NRXN3: variants seen among roughly 807,000 people sequenced by gnomAD.
The protein encoded by NRXN3 is neurexin III.
NRXN3 carries 32 observed loss-of-function variants against 137.6 expected under a neutral mutation model. The ratio of observed to expected loss-of-function variants is 0.23; its 90% CI spans 0.18 to 0.31. NRXN3 has a LOEUF of 0.31. NRXN3 is among the 10% of genes least tolerant of loss of function. The pLI is 1.00. For synonymous variants in NRXN3, 798 were observed against 784.5 expected (o/e 1.02, Z -0.29); for missense variants, 1,574 against 2,062.5 (o/e 0.76, Z 4.59).
chr14:78,506,023 T>G (rs1204428323), intron 4 of NRXN3, among the ~76,000 whole-genome samples: 1 of 152,188 alleles, frequency 6.6e-6, no homozygotes, highest in Non-Finnish European at 1.5e-5. Flanking sequence ...CAAGAAACTT[T>G]GAAGTGCTCA....
chr14:79,454,415 C>T (rs2096229361), intron 15 of NRXN3, among the ~76,000 whole-genome samples: 1 of 152,016 alleles, frequency 6.6e-6, no homozygotes, highest in Admixed American at 6.6e-5. Context: ...AGGGTTTCTC[C>T]ATGTTGGTCA....
intron 15 of NRXN3, among the ~76,000 whole-genome samples, chr14:79,410,888 A>T (rs2095408410): frequency 6.6e-6 from 1 of 152,102 alleles, no homozygotes; most frequent in South Asian, 2.1e-4. Flanking sequence ...GATTTAACAC[A>T]TTATTTCATT....
At chr14:78,249,549 A>C (rs2068257837) in intron 2 of NRXN3, among the ~76,000 whole-genome samples, 1 of 152,092 alleles carries the variant, frequency 6.6e-6, no homozygotes, top group South Asian at 2.1e-4. Flanking sequence ...CTTTACTTGC[A>C]GTCACTGGCT....
intron 1 of NRXN3, among the ~76,000 whole-genome samples, chr14:78,179,533 G>T (rs753851794): frequency 9.9e-5 from 15 of 152,216 alleles, no homozygotes; most frequent in Admixed American, 6.5e-5. Context: ...GGGGCCCCAA[G>T]CTGGAGTCAG....
intron 4 of NRXN3, among the ~76,000 whole-genome samples, chr14:78,600,459 AG>A (rs1211799966): frequency 8.5e-5 from 13 of 152,198 alleles, no homozygotes; most frequent in Non-Finnish European, 1.3e-4. Flanking sequence ...TACAGATTTG[AG>A]GAGTCATAAA....
chr14:78,301,752 CGTCTGTGAGAT>C (rs571253890), intron 4 of NRXN3, among the ~76,000 whole-genome samples: 232 of 152,248 alleles, frequency 1.5e-3, no homozygotes, highest in African/African-American at 5.4e-3. Flanking sequence ...TTCAGTGACA[CGTCTGTGAGAT>C]GGCTATCGCT....
intron 4 of NRXN3, among the ~76,000 whole-genome samples, chr14:78,354,680 G>A (rs1225222831): frequency 6.6e-6 from 1 of 152,070 alleles, no homozygotes; most frequent in African/African-American, 2.4e-5. Context: ...TCACCTTTTG[G>A]CATCCAGTGT....
chr14:79,540,267 C>CTTATATATATATTTATT (rs1475565359), intron 16 of NRXN3, among the ~76,000 whole-genome samples: 1 of 149,570 alleles, frequency 6.7e-6, no homozygotes, highest in African/African-American at 2.5e-5. Flanking sequence ...GGGTATTATG[C>CTTATATATATATTTATT]ATATAAATAT....
At chr14:78,389,033 G>C (rs2090384261) in intron 4 of NRXN3, among the ~76,000 whole-genome samples, 1 of 147,586 alleles carries the variant, frequency 6.8e-6, no homozygotes, top group African/African-American at 2.5e-5. Context: ...ACTGGATTTA[G>C]TGATATAAAA....
At chr14:79,687,033 TG>T (rs1232068836) in intron 17 of NRXN3, among the ~76,000 whole-genome samples, 1 of 152,202 alleles carries the variant, frequency 6.6e-6, no homozygotes, top group African/African-American at 2.4e-5. Flanking sequence ...ATCAATTTTC[TG>T]TTCCAAGACA....
At position 78,602,267 on chromosome 14, in the gene NRXN3, C is replaced by CTTTTTTTTTT. The variant is rs370669288; in HGVS notation, c.758-42841_758-42832dup. On this transcript the variant is annotated intron_variant, in intron 4 of 20. Coordinates refer to ENST00000335750, the MANE Select transcript of NRXN3 (RefSeq NM_001330195.2). ...GGTTTGGTTTGCATTTCACATTAGC[C>CTTTTTTTTTT]TTTTTTTTTTTTTTTTTTTTTAAAT... 9.3e-3 allele frequency among the ~76,000 whole-genome samples: 1,071 copies of CTTTTTTTTTT among 115,076 alleles called. 40 individuals are homozygous for CTTTTTTTTTT. The highest frequency in any genetic ancestry group is 0.031 in the African/African-American group (844 of 27,142). 75.5% of individuals were successfully genotyped at this position (115,076 alleles called of 152,430 possible). A position where few individuals can be genotyped will look rare whatever the true frequency, so the allele number is the denominator to read the frequency against.
At chr14:78,959,476 G>A (rs1359452533) in intron 11 of NRXN3, among the ~76,000 whole-genome samples, 1 of 152,124 alleles carries the variant, frequency 6.6e-6, no homozygotes, top group Non-Finnish European at 1.5e-5. Context: ...GGGTTGGAGT[G>A]AGGTAGGGAA....
At chr14:78,190,479 A>G (rs1411765575) in intron 1 of NRXN3, among the ~76,000 whole-genome samples, 1 of 152,144 alleles carries the variant, frequency 6.6e-6, no homozygotes, top group East Asian at 1.9e-4. Context: ...TTCTCGGGAG[A>G]GGATTGGGAA....
At chr14:78,313,915 C>T (rs185656017) in intron 4 of NRXN3, among the ~76,000 whole-genome samples, 18 of 152,126 alleles carry the variant, frequency 1.2e-4, no homozygotes, top group Admixed American at 2.6e-4. Flanking sequence ...CCTTTCCTCT[C>T]GACAGTAACA....
chr14:79,170,245 T>C (rs967891460), intron 15 of NRXN3, among the ~76,000 whole-genome samples: 1 of 152,106 alleles, frequency 6.6e-6, no homozygotes, highest in Non-Finnish European at 1.5e-5. Context: ...GTCTGTAACA[T>C]AGCTGAGGAG....
intron 4 of NRXN3, among the ~76,000 whole-genome samples, chr14:78,536,731 A>G (rs903047917): frequency 1.3e-5 from 2 of 151,732 alleles, no homozygotes; most frequent in East Asian, 1.9e-4. Context: ...TACATTAGGT[A>G]TTTCTCTTAA....
intron 16 of NRXN3, among the ~76,000 whole-genome samples, chr14:79,653,878 C>T (rs973084226): frequency 2.6e-5 from 4 of 152,136 alleles, no homozygotes; most frequent in Non-Finnish European, 5.9e-5. Flanking sequence ...AGCTCATTCT[C>T]CAAGGCTCAG....
At chr14:78,474,371 T>A (rs567051033) in intron 4 of NRXN3, among the ~76,000 whole-genome samples, 2 of 152,240 alleles carry the variant, frequency 1.3e-5, no homozygotes, top group East Asian at 3.9e-4. Flanking sequence ...GGCTCCTCAT[T>A]GTTGGTCCAT....
At chr14:78,187,070 C>T (rs374665525) in intron 1 of NRXN3, among the ~76,000 whole-genome samples, 1 of 152,122 alleles carries the variant, frequency 6.6e-6, no homozygotes, top group African/African-American at 2.4e-5. Context: ...TATCAAGGGG[C>T]TACTTTGTGC....
Sources: allele counts gnomAD v4.1 joint callset (sites outside exome capture counted in the v4.1 genomes callset), GRCh38; gene constraint gnomAD v4.1.1; transcripts MANE v1.5; gene names NCBI Gene and HGNC (gene_info 2026-07-23, HGNC 2026-07-21).